FHIT: variants seen among roughly 807,000 people sequenced by gnomAD.
The protein encoded by FHIT is fragile histidine triad diadenosine triphosphatase, also known as bis(5'-adenosyl)-triphosphatase.
Under a neutral mutation model 17.9 loss-of-function variants are expected in FHIT, and 19 were observed. The observed-to-expected ratio is 1.06, with a 90% confidence interval of 0.74 to 1.56. FHIT has a LOEUF of 1.56. Among genes scored for constraint, FHIT ranks in the 40% most tolerant of loss-of-function variants. FHIT has a pLI of 0.00. For missense variants in FHIT, 248 were observed against 189.2 expected, an observed-to-expected ratio of 1.31 and a Z score of -1.82; for synonymous variants, 81 against 69.7, an observed-to-expected ratio of 1.16 and a Z score of -0.81.
chr3:60,146,207 T>A (rs1284900581), intron 5 of FHIT, among the ~76,000 whole-genome samples: 2 of 150,662 alleles, frequency 1.3e-5, no homozygotes, highest in East Asian at 3.9e-4. Flanking sequence ...TTAGGATAGG[T>A]CTAGGCAGTG....
At chr3:61,126,583 C>T (rs1238313289) in intron 2 of FHIT, among the ~76,000 whole-genome samples, 1 of 152,112 alleles carries the variant, frequency 6.6e-6, no homozygotes, top group African/African-American at 2.4e-5. Context: ...CTCCCATGAT[C>T]CAATCCCCTC....
chr3:59,962,316 C>T (rs1444719003), intron 7 of FHIT, among the ~76,000 whole-genome samples: 2 of 152,018 alleles, frequency 1.3e-5, no homozygotes, highest in Non-Finnish European at 1.5e-5. Flanking sequence ...ACTGCCTGTT[C>T]TCAGTTTTTT....
At chr3:60,861,477 C>T (rs886327702) in intron 3 of FHIT, among the ~76,000 whole-genome samples, 2 of 151,050 alleles carry the variant, frequency 1.3e-5, no homozygotes, top group Non-Finnish European at 2.9e-5. Context: ...GTAACCTCTC[C>T]AGTAGCCATG....
intron 2 of FHIT, among the ~76,000 whole-genome samples, chr3:61,157,283 T>C (rs143982516): frequency 9.8e-5 from 15 of 152,292 alleles, no homozygotes; most frequent in African/African-American, 3.4e-4. Flanking sequence ...TAAGATGTGA[T>C]GAGACACACT....
intron 5 of FHIT, among the ~76,000 whole-genome samples, chr3:60,221,508 G>C (rs1703957659): frequency 6.6e-6 from 1 of 152,148 alleles, no homozygotes; most frequent in Admixed American, 6.5e-5. Flanking sequence ...TTACTCTTCA[G>C]CTAAAAGTAC....
At chr3:60,352,437 G>C (rs1348721311) in intron 5 of FHIT, among the ~76,000 whole-genome samples, 1 of 152,134 alleles carries the variant, frequency 6.6e-6, no homozygotes, top group African/African-American at 2.4e-5. Flanking sequence ...CTTGCTTCAA[G>C]CAGCATGTGT....
intron 5 of FHIT, among the ~76,000 whole-genome samples, chr3:60,429,992 C>T (rs886373723): frequency 6.6e-6 from 1 of 151,898 alleles, no homozygotes; most frequent in African/African-American, 2.4e-5. Context: ...CCAGCTTAAG[C>T]CCGTGCCTTA....
At chr3:60,589,196 C>T (rs1280014932) in intron 4 of FHIT, among the ~76,000 whole-genome samples, 1 of 151,950 alleles carries the variant, frequency 6.6e-6, no homozygotes, top group Non-Finnish European at 1.5e-5. Flanking sequence ...AAAAGTATAA[C>T]CCAATGTAAG....
At chr3:60,587,037 A>T (rs1315061717) in intron 4 of FHIT, among the ~76,000 whole-genome samples, 1 of 152,012 alleles carries the variant, frequency 6.6e-6, no homozygotes, top group African/African-American at 2.4e-5. Context: ...AGGATTACAA[A>T]TTTATTAAAA....
At chr3:61,216,243 A>G (rs974489940) in intron 1 of FHIT, among the ~76,000 whole-genome samples, 1 of 152,244 alleles carries the variant, frequency 6.6e-6, no homozygotes, top group African/African-American at 2.4e-5. Context: ...CAACCTACTC[A>G]TTTGACAAAG....
chr3:59,999,798 G>C (rs942122180), intron 7 of FHIT, among the ~76,000 whole-genome samples: 1 of 152,074 alleles, frequency 6.6e-6, no homozygotes, highest in African/African-American at 2.4e-5. Context: ...AGTAGAGACA[G>C]GGTTTCACCA....
chr3:60,424,274 C>A (rs1417061348), intron 5 of FHIT, among the ~76,000 whole-genome samples: 7 of 152,068 alleles, frequency 4.6e-5, no homozygotes, highest in Admixed American at 4.6e-4. Context: ...GACTACCCTG[C>A]GTCTCAATAC....
chr3:60,411,268 T>A (rs1702050433), intron 5 of FHIT, among the ~76,000 whole-genome samples: 1 of 152,152 alleles, frequency 6.6e-6, no homozygotes, highest in Non-Finnish European at 1.5e-5. Context: ...ACATTTTGAC[T>A]CCTATTAAGA....
chr3:59,973,869 T>C (rs892428201), intron 7 of FHIT, among the ~76,000 whole-genome samples: 2 of 152,062 alleles, frequency 1.3e-5, no homozygotes, highest in Admixed American at 1.3e-4. Flanking sequence ...ACAGGTATAA[T>C]GTTTAAAAGC....
chr3:61,247,301 G>A (rs1916799), intron 1 of FHIT, among the ~76,000 whole-genome samples: 16,227 of 151,882 alleles, frequency 0.11, 1,045 homozygotes, highest in South Asian at 0.21. Context: ...CCTCCTTATC[G>A]TAACCTCATG....
At chr3:61,005,926 G>A (rs555666769) in intron 3 of FHIT, among the ~76,000 whole-genome samples, 5 of 150,788 alleles carry the variant, frequency 3.3e-5, no homozygotes, top group Non-Finnish European at 5.9e-5. Context: ...CTTACTAGCT[G>A]TGTCCTCACC....
At chr3:60,202,019 C>T (rs935703977) in intron 5 of FHIT, among the ~76,000 whole-genome samples, 3 of 152,074 alleles carry the variant, frequency 2.0e-5, no homozygotes, top group African/African-American at 7.2e-5. Flanking sequence ...ACTCCAGGAA[C>T]AAAGAGGAGA....
At chr3:60,862,329 C>G (rs1049308141) in intron 3 of FHIT, among the ~76,000 whole-genome samples, 22 of 151,986 alleles carry the variant, frequency 1.4e-4, no homozygotes, top group African/African-American at 4.6e-4. Flanking sequence ...CCATGCCCAG[C>G]TAATTTTTGT....
chr3:61,025,710 G>A (rs1256832392), intron 3 of FHIT, among the ~76,000 whole-genome samples: 1 of 151,970 alleles, frequency 6.6e-6, no homozygotes, highest in African/African-American at 2.4e-5. Flanking sequence ...TGGAAGTTAA[G>A]CTCAAATTAC....
Sources: allele counts gnomAD v4.1 joint callset (sites outside exome capture counted in the v4.1 genomes callset), GRCh38; gene constraint gnomAD v4.1.1; transcripts MANE v1.5; gene names NCBI Gene and HGNC (gene_info 2026-07-23, HGNC 2026-07-21).